The following ALK variants were observed in gnomAD, a reference collection of about 807,000 sequenced individuals.
ALK encodes the protein ALK tyrosine kinase receptor.
In ALK, 74 loss-of-function variants were observed where a neutral mutation model predicts 163.1. That is an observed-to-expected ratio of 0.45 (90% CI 0.38 to 0.55). ALK has a LOEUF of 0.55. Among genes scored for constraint, ALK ranks in the 20% least tolerant of loss-of-function variants. The probability of loss-of-function intolerance (pLI) is 0.00; values close to 1 mark genes in which losing one functional copy is unlikely to be tolerated. For missense variants in ALK, 2,063 were observed against 2,105.3 expected, an observed-to-expected ratio of 0.98 and a Z score of 0.39; for synonymous variants, 960 against 843.2, an observed-to-expected ratio of 1.14 and a Z score of -2.40.
chr2:29,749,640 C>A (rs1006197562), intron 1 of ALK, among the ~76,000 whole-genome samples: 3 of 152,140 alleles, frequency 2.0e-5, no homozygotes, highest in Admixed American at 1.3e-4. Context: ...GTGGGCCCAT[C>A]GTTCTCAGTC....
chr2:29,349,496 C>T (rs763228019), intron 5 of ALK, among the ~76,000 whole-genome samples: 5 of 152,112 alleles, frequency 3.3e-5, no homozygotes, highest in Non-Finnish European at 5.9e-5. Context: ...GTTGGCATGG[C>T]GGTAGGGGGC....
At chr2:29,673,844 T>G (rs1409690871) in intron 3 of ALK, among the ~76,000 whole-genome samples, 1 of 151,324 alleles carries the variant, frequency 6.6e-6, no homozygotes, top group Non-Finnish European at 1.5e-5. Context: ...TGTATCCTCT[T>G]TTATTTCCTT....
intron 3 of ALK, among the ~76,000 whole-genome samples, chr2:29,584,331 T>C (rs1217968967): frequency 2.0e-5 from 3 of 152,190 alleles, no homozygotes; most frequent in Non-Finnish European, 4.4e-5. Flanking sequence ...TTTTCCCAAA[T>C]AAAATCTGAG....
intron 4 of ALK, among the ~76,000 whole-genome samples, chr2:29,440,177 T>G (rs1452049220): frequency 6.6e-6 from 1 of 151,950 alleles, no homozygotes; most frequent in Non-Finnish European, 1.5e-5. Flanking sequence ...GAGGTTGCAG[T>G]GAGCCGAGAT....
intron 3 of ALK, among the ~76,000 whole-genome samples, chr2:29,589,713 C>T (rs943913585): frequency 3.9e-5 from 6 of 152,172 alleles, no homozygotes; most frequent in African/African-American, 1.4e-4. Context: ...TTCATGGTTA[C>T]AGCTCGGGAA....
intron 6 of ALK, among the ~76,000 whole-genome samples, chr2:29,323,674 G>C (rs532679048): frequency 1.3e-5 from 2 of 152,278 alleles, no homozygotes; most frequent in African/African-American, 4.8e-5. Flanking sequence ...TGAGGAAGCT[G>C]GTGGGTTAAG....
chr2:29,560,536 T>C (rs146559108), intron 3 of ALK, among the ~76,000 whole-genome samples: 189 of 152,220 alleles, frequency 1.2e-3, no homozygotes, highest in Middle Eastern at 3.4e-3. Flanking sequence ...ATTTTCTTTC[T>C]TTTCTTTTCT....
At chr2:29,658,714 T>C (rs1454533760) in intron 3 of ALK, among the ~76,000 whole-genome samples, 1 of 152,180 alleles carries the variant, frequency 6.6e-6, no homozygotes. Flanking sequence ...TTAATGCTAG[T>C]ATATTTACTT....
At chr2:29,238,352 G>A (rs138336411) in intron 13 of ALK, among the ~76,000 whole-genome samples, 11,346 of 151,924 alleles carry the variant, frequency 0.075, 533 homozygotes, top group Non-Finnish European at 0.11. Context: ...GTGCACCACC[G>A]CACCTGGCTA....
At chr2:29,664,262 T>C (rs1291468863) in intron 3 of ALK, among the ~76,000 whole-genome samples, 1 of 152,184 alleles carries the variant, frequency 6.6e-6, no homozygotes, top group Non-Finnish European at 1.5e-5. Flanking sequence ...AAATTTTTCA[T>C]GGGATTATGA....
chr2:29,571,120 C>T (rs78101953), intron 3 of ALK, among the ~76,000 whole-genome samples: 1,589 of 152,126 alleles, frequency 0.01, 23 homozygotes, highest in African/African-American at 0.036. Context: ...GTTCTCTCTC[C>T]CTGTTTGTGA....
chr2:29,804,148 G>T (rs1001039279), intron 1 of ALK, among the ~76,000 whole-genome samples: 1 of 152,204 alleles, frequency 6.6e-6, no homozygotes, highest in Non-Finnish European at 1.5e-5. Flanking sequence ...TGTGAAGCCC[G>T]CAGTTAGAAC....
At chr2:29,431,506 G>A (rs150669791) in intron 4 of ALK, among the ~76,000 whole-genome samples, 123 of 152,310 alleles carry the variant, frequency 8.1e-4, no homozygotes, top group Middle Eastern at 3.4e-3. Flanking sequence ...GGCACATGGA[G>A]ACTGACAAAT....
At chr2:29,196,548 G>T (rs181663433) in intron 28 of ALK, among the ~76,000 whole-genome samples, 2 of 152,210 alleles carry the variant, frequency 1.3e-5, no homozygotes, top group African/African-American at 4.8e-5. Context: ...TTTACTGTGT[G>T]TCTGGCACTG....
chr2:29,742,021 C>A (rs561127885), intron 1 of ALK, among the ~76,000 whole-genome samples: 8 of 152,340 alleles, frequency 5.3e-5, no homozygotes, highest in Non-Finnish European at 1.0e-4. Context: ...AGCATCTTGG[C>A]CTTCATCACA....
At chr2:29,728,936 A>G (rs1391337484) in intron 1 of ALK, among the ~76,000 whole-genome samples, 3 of 152,200 alleles carry the variant, frequency 2.0e-5, no homozygotes, top group East Asian at 3.8e-4. Context: ...CCTTCTCCTG[A>G]TTAAGGATGA....
At chr2:29,588,533 G>T (rs1001971884) in intron 3 of ALK, among the ~76,000 whole-genome samples, 1 of 152,102 alleles carries the variant, frequency 6.6e-6, no homozygotes, top group Non-Finnish European at 1.5e-5. Context: ...ACCTGGCCGA[G>T]AAAGAAATTA....
intron 5 of ALK, among the ~76,000 whole-genome samples, chr2:29,374,178 G>C (rs10167756): frequency 0.048 from 7,370 of 152,320 alleles, 224 homozygotes; most frequent in African/African-American, 0.071. Context: ...ATGCCAGAGA[G>C]AGGATGAGAA....
At chr2:29,420,474 C>G (rs930851920) in intron 4 of ALK, among the ~76,000 whole-genome samples, 1 of 151,506 alleles carries the variant, frequency 6.6e-6, no homozygotes, top group South Asian at 2.1e-4. Context: ...ATTTGAGGAA[C>G]GCATTCTGGT....
Sources: gnomAD v4.1 joint callset for allele counts (sites outside exome capture counted in the v4.1 genomes callset) on GRCh38, gnomAD v4.1.1 for gene constraint, MANE v1.5 for transcripts, NCBI Gene and HGNC (gene_info 2026-07-23, HGNC 2026-07-21) for gene names.